Variants in IGFL4 observed in about 807,000 individuals in gnomAD.
The protein encoded by IGFL4 is insulin growth factor-like family member 4.
A neutral mutation model predicts 15.4 loss-of-function variants in IGFL4; 12 were observed. The ratio of observed to expected loss-of-function variants is 0.78; its 90% CI spans 0.50 to 1.26. The LOEUF is 1.26. Ranked by LOEUF, IGFL4 falls within the 50% of genes most tolerant of loss-of-function variation. IGFL4 has a pLI of 0.00. For missense variants in IGFL4, 126 were observed against 147.8 expected (o/e 0.85, Z 0.76); for synonymous variants, 54 against 55.9 (o/e 0.97, Z 0.16).
chr19:46,072,205 G>A (rs933756380), intron 1 of IGFL4, among the ~76,000 whole-genome samples: 1 of 152,246 alleles, frequency 6.6e-6, no homozygotes, highest in Admixed American at 6.5e-5. Flanking sequence ...AAGTCACAGA[G>A]TGAACACCTG....
intron 1 of IGFL4, among the ~76,000 whole-genome samples, chr19:46,066,311 A>G (rs1349171340): frequency 1.3e-5 from 2 of 152,226 alleles, no homozygotes; most frequent in African/African-American, 4.8e-5. Context: ...AAATGTTTAA[A>G]TTATCTGAAT....
chr19:46,066,337 G>T (rs1225932688), intron 1 of IGFL4, among the ~76,000 whole-genome samples: 1 of 152,108 alleles, frequency 6.6e-6, no homozygotes, highest in Non-Finnish European at 1.5e-5. Context: ...ATTTAAGTGG[G>T]CATTCTTATG....
At chr19:46,043,850 TC>T, upstream of IGFL4, among the ~76,000 whole-genome samples, 1 of 151,970 alleles carries the variant, frequency 6.6e-6, no homozygotes, top group South Asian at 2.1e-4. Flanking sequence ...ATAAAAAAAA[TC>T]CTTATGACTT....
intron 1 of IGFL4, among the ~76,000 whole-genome samples, chr19:46,073,949 C>T (rs983410217): frequency 6.6e-6 from 1 of 151,910 alleles, no homozygotes; most frequent in Non-Finnish European, 1.5e-5. Flanking sequence ...AAGGCATATT[C>T]TTTCCTTTCT....
chr19:46,067,772 T>C (rs1442096157), intron 1 of IGFL4, among the ~76,000 whole-genome samples: 1 of 152,156 alleles, frequency 6.6e-6, no homozygotes, highest in East Asian at 1.9e-4. Flanking sequence ...GGGACCCACA[T>C]CTGATCTATC....
At chr19:46,046,163 G>A (rs1163079561) in intron 2 of IGFL4, among the ~76,000 whole-genome samples, 2 of 152,084 alleles carry the variant, frequency 1.3e-5, no homozygotes, top group Non-Finnish European at 2.9e-5. Context: ...GCCAAACTAA[G>A]CTTCATAAGT....
chr19:46,057,384 G>A, intron 2 of IGFL4, among the ~76,000 whole-genome samples: 1 of 152,100 alleles, frequency 6.6e-6, no homozygotes, highest in Non-Finnish European at 1.5e-5. Context: ...ATTTGAGTTG[G>A]CTGTGAAGGG....
At chr19:46,071,585 C>A (rs73046107) in intron 1 of IGFL4, among the ~76,000 whole-genome samples, 6,721 of 152,208 alleles carry the variant, frequency 0.044, 269 homozygotes, top group African/African-American at 0.095. Flanking sequence ...AGTGTGAAAC[C>A]ACGACTCCTG....
chr19:46,066,397 C>T (rs780829635), intron 1 of IGFL4, among the ~76,000 whole-genome samples: 2 of 152,180 alleles, frequency 1.3e-5, no homozygotes, highest in South Asian at 2.1e-4. Flanking sequence ...CAACTCCCAG[C>T]ATCCATGAAA....
chr19:46,057,864 C>T (rs1264465974), intron 2 of IGFL4: 1 of 152,126 alleles, frequency 6.6e-6, no homozygotes, highest in African/African-American at 2.4e-5. Flanking sequence ...ACCATGAGAA[C>T]AGCATGGGAA....
intron 1 of IGFL4, among the ~76,000 whole-genome samples, chr19:46,075,271 C>A (rs889109472): frequency 5.3e-5 from 8 of 152,178 alleles, no homozygotes; most frequent in African/African-American, 1.7e-4. Flanking sequence ...AGGTTTTCTT[C>A]ATTTTCACCA....
intron 2 of IGFL4, among the ~76,000 whole-genome samples, chr19:46,052,001 G>T (rs1969349206): frequency 6.6e-6 from 1 of 152,148 alleles, no homozygotes; most frequent in Non-Finnish European, 1.5e-5. Flanking sequence ...AGTACTAGAT[G>T]TAAATACTGA....
chr19:46,046,627 G>C (rs1435447336), intron 2 of IGFL4, among the ~76,000 whole-genome samples: 1 of 152,154 alleles, frequency 6.6e-6, no homozygotes, highest in Non-Finnish European at 1.5e-5. Flanking sequence ...TGACCAAACA[G>C]ACTTTAAACC....
At chr19:46,072,831 G>T (rs1969559459) in intron 1 of IGFL4, among the ~76,000 whole-genome samples, 1 of 152,074 alleles carries the variant, frequency 6.6e-6, no homozygotes, top group Non-Finnish European at 1.5e-5. Flanking sequence ...ATGTTGGCTT[G>T]GTGTGTAAGA....
chr19:46,071,433 G>A (rs574195454), intron 1 of IGFL4, among the ~76,000 whole-genome samples: 1 of 152,312 alleles, frequency 6.6e-6, no homozygotes, highest in East Asian at 1.9e-4. Context: ...CCCATCCAGG[G>A]ATCTGGAGAA....
At chr19:46,062,658 AAG>A (rs1969455364) in intron 1 of IGFL4, 1 of 152,312 alleles carries the variant, frequency 6.6e-6, no homozygotes, top group African/African-American at 2.4e-5. Context: ...AGTAACAGAA[AAG>A]AGAGAAAAGA....
At chr19:46,069,277 C>G (rs1007320715) in intron 1 of IGFL4, among the ~76,000 whole-genome samples, 5 of 152,326 alleles carry the variant, frequency 3.3e-5, no homozygotes, top group African/African-American at 1.2e-4. Context: ...GTCATTTGCT[C>G]TGTCTCTTCC....
chr19:46,061,424 C>T (rs1201625119), intron 1 of IGFL4, among the ~76,000 whole-genome samples: 1 of 152,154 alleles, frequency 6.6e-6, no homozygotes, highest in Non-Finnish European at 1.5e-5. Context: ...TTACACACAA[C>T]ACATGTAAAT....
chr19:46,067,244 C>T (rs539600721), intron 1 of IGFL4, among the ~76,000 whole-genome samples: 80 of 152,318 alleles, frequency 5.3e-4, no homozygotes, highest in African/African-American at 1.9e-3. Context: ...TTTGCCTATA[C>T]CTAACACTAC....
Sources: gnomAD v4.1 joint callset for allele counts (sites outside exome capture counted in the v4.1 genomes callset) on GRCh38, gnomAD v4.1.1 for gene constraint, MANE v1.5 for transcripts, NCBI Gene and HGNC (gene_info 2026-07-23, HGNC 2026-07-21) for gene names.